The following TENM2 variants were observed in gnomAD, a reference collection of about 807,000 sequenced individuals.
TENM2 encodes the protein teneurin transmembrane protein 2.
TENM2 carries 52 observed loss-of-function variants against 245.2 expected under a neutral mutation model. That is an observed-to-expected ratio of 0.21 (90% CI 0.17 to 0.27). The LOEUF (loss-of-function observed/expected upper bound fraction) is 0.27. TENM2 is among the 10% of genes least tolerant of loss of function. The pLI is 1.00. For synonymous variants in TENM2, 1,363 were observed against 1,438.9 expected (o/e 0.95, Z 1.19); for missense variants, 3,046 against 3,666.8 (o/e 0.83, Z 4.37).
At chr5:167,757,781 A>G (rs1762405550) in intron 2 of TENM2, among the ~76,000 whole-genome samples, 1 of 152,136 alleles carries the variant, frequency 6.6e-6, no homozygotes. Context: ...AATGATCACC[A>G]TTCTAAGTGG....
intron 1 of TENM2, among the ~76,000 whole-genome samples, chr5:167,372,360 T>C (rs1260006875): frequency 6.6e-6 from 1 of 152,244 alleles, no homozygotes; most frequent in Non-Finnish European, 1.5e-5. Context: ...AAATAAGATT[T>C]CAATTTCTTA....
chr5:168,072,107 G>C (rs888202402), intron 7 of TENM2, among the ~76,000 whole-genome samples: 8 of 152,144 alleles, frequency 5.3e-5, no homozygotes. Flanking sequence ...CCCACATTGG[G>C]CCCTCCTATT....
chr5:167,526,452 T>C (rs1193769228), intron 2 of TENM2, among the ~76,000 whole-genome samples: 2 of 151,530 alleles, frequency 1.3e-5, no homozygotes, highest in African/African-American at 4.9e-5. Flanking sequence ...TGAGAATACA[T>C]GGTTGTCTAT....
At chr5:168,117,325 CAT>C (rs917504205) in intron 9 of TENM2, among the ~76,000 whole-genome samples, 1 of 152,158 alleles carries the variant, frequency 6.6e-6, no homozygotes, top group Non-Finnish European at 1.5e-5. Context: ...CTTTATTACA[CAT>C]GTTACACTTT....
chr5:166,994,602 A>T, the TENM2 span, among the ~76,000 whole-genome samples: 1 of 152,168 alleles, frequency 6.6e-6, no homozygotes, highest in African/African-American at 2.4e-5. Flanking sequence ...GTTCTTTGTG[A>T]GTTGGCATGG....
chr5:167,775,775 C>T (rs1333126605), intron 2 of TENM2, among the ~76,000 whole-genome samples: 1 of 151,914 alleles, frequency 6.6e-6, no homozygotes, highest in Non-Finnish European at 1.5e-5. Context: ...GCAGTGTAGT[C>T]AGATGTAGTT....
chr5:168,172,778 G>A (rs1218917266), intron 13 of TENM2, among the ~76,000 whole-genome samples: 1 of 152,218 alleles, frequency 6.6e-6, no homozygotes, highest in Non-Finnish European at 1.5e-5. Context: ...GCCAGGGGGT[G>A]AGCAGGGGAG....
rs2617966 is a variant in TENM2, at chr5:168,021,578, G to A, written c.1187-25849G>A. Among the ~76,000 whole-genome samples, 909 of 152,068 alleles carry A rather than the reference G, an allele frequency of 6.0e-3. 10 individuals carry two copies. The highest frequency in any genetic ancestry group is 0.021 in the African/African-American group (860 of 41,444). On this transcript the variant is annotated intron_variant, in intron 5 of 28. Coordinates refer to ENST00000518659, the Ensembl canonical transcript of TENM2. ...CTCTGTATCTGAATATTTATTCCAC[G>A]TTTTGGTTTTCATGTCTTTACTCTG...
the TENM2 span, among the ~76,000 whole-genome samples, chr5:167,262,091 T>G: frequency 1.3e-5 from 2 of 152,144 alleles, no homozygotes; most frequent in Admixed American, 6.5e-5. Flanking sequence ...AAATTTAAAT[T>G]GGGGTCCCTT....
intron 9 of TENM2, among the ~76,000 whole-genome samples, chr5:168,104,710 A>T (rs894842974): frequency 6.6e-6 from 1 of 152,046 alleles, no homozygotes; most frequent in African/African-American, 2.4e-5. Flanking sequence ...TGAATGGAGG[A>T]ATCAGTCAGC....
intron 2 of TENM2, among the ~76,000 whole-genome samples, chr5:167,703,820 C>T (rs886264164): frequency 6.6e-6 from 1 of 152,084 alleles, no homozygotes; most frequent in Non-Finnish European, 1.5e-5. Flanking sequence ...TTCTGCTAGG[C>T]TGATAGAAGA....
chr5:167,177,590 T>C, the TENM2 span, among the ~76,000 whole-genome samples: 1 of 152,216 alleles, frequency 6.6e-6, no homozygotes, highest in East Asian at 1.9e-4. Flanking sequence ...GCCTTGGTCT[T>C]ATCCTAGGGG....
chr5:168,063,474 C>T (rs896092558), intron 7 of TENM2, among the ~76,000 whole-genome samples: 1 of 152,004 alleles, frequency 6.6e-6, no homozygotes, highest in Admixed American at 6.6e-5. Context: ...GTTTTTCCTG[C>T]CTTGTATGCC....
chr5:167,135,331 C>G, the TENM2 span, among the ~76,000 whole-genome samples: 5 of 152,174 alleles, frequency 3.3e-5, no homozygotes, highest in Non-Finnish European at 7.3e-5. Flanking sequence ...AAGCTACTAA[C>G]AGAGCTTGTT....
In TENM2 at chr5:168,253,209, G is replaced by A. The variant is rs868429622; in HGVS notation, c.7432+4838G>A. 1.5e-4 allele frequency among the ~76,000 whole-genome samples: 23 copies of A among 151,672 alleles called. No homozygotes were observed. The Middle Eastern group carries it at 0.01, about 68-fold the overall frequency. ...TTCTCAATCTCCTGATCTTGTGATC[G>A]GCCTGCCTCGGCCTCCCAAAGTGCT... On this transcript the variant is annotated intron_variant, in intron 27 of 28. Coordinates refer to ENST00000518659, the Ensembl canonical transcript of TENM2.
At chr5:167,825,025 G>A (rs768846734) in intron 2 of TENM2, among the ~76,000 whole-genome samples, 2 of 152,212 alleles carry the variant, frequency 1.3e-5, no homozygotes, top group African/African-American at 4.8e-5. Context: ...CAGAAAGAGT[G>A]TGTTTGGAGA....
At chr5:167,326,319 C>CT (rs1286189373) in intron 1 of TENM2, among the ~76,000 whole-genome samples, 2 of 152,080 alleles carry the variant, frequency 1.3e-5, no homozygotes, top group African/African-American at 4.8e-5. Flanking sequence ...AGTACATCTA[C>CT]TTTGTTATTA....
At chr5:167,820,168 TG>T (rs1767403431) in intron 2 of TENM2, among the ~76,000 whole-genome samples, 1 of 152,108 alleles carries the variant, frequency 6.6e-6, no homozygotes, top group Non-Finnish European at 1.5e-5. Context: ...AATTCCCTCT[TG>T]GCTTCTAATA....
At chr5:167,363,743 A>AAAAG (rs1315882017) in intron 1 of TENM2, among the ~76,000 whole-genome samples, 9 of 149,970 alleles carry the variant, frequency 6.0e-5, no homozygotes, top group South Asian at 2.1e-4. Flanking sequence ...AAAAAAAAAA[A>AAAAG]AAAGAAAAGA....
Sources: allele counts gnomAD v4.1 joint callset (sites outside exome capture counted in the v4.1 genomes callset), GRCh38; gene constraint gnomAD v4.1.1; transcripts MANE v1.5; gene names NCBI Gene and HGNC (gene_info 2026-07-23, HGNC 2026-07-21).